Variants in CNTNAP2 observed in about 807,000 individuals in gnomAD.
The protein encoded by CNTNAP2 is contactin-associated protein-like 2.
A neutral mutation model predicts 155.2 loss-of-function variants in CNTNAP2; 98 were observed. That is an observed-to-expected ratio of 0.63 (90% CI 0.54 to 0.75). The LOEUF is 0.75. Ranked by LOEUF, CNTNAP2 falls within the 30% of genes least tolerant of loss-of-function variation. CNTNAP2 has a pLI of 0.00. For missense variants in CNTNAP2, 1,727 were observed against 1,688.1 expected (o/e 1.02, Z -0.40); for synonymous variants, 651 against 631.2 (o/e 1.03, Z -0.47).
At chr7:148,097,530 G>A (rs1803999888) in intron 15 of CNTNAP2, among the ~76,000 whole-genome samples, 1 of 152,120 alleles carries the variant, frequency 6.6e-6, no homozygotes, top group Admixed American at 6.5e-5. Context: ...TGTCGCCCAG[G>A]CTGGAGTGCA....
chr7:148,228,249 A>AC (rs1795892102), intron 19 of CNTNAP2, among the ~76,000 whole-genome samples: 1 of 152,048 alleles, frequency 6.6e-6, no homozygotes, highest in Admixed American at 6.6e-5. Flanking sequence ...TGTCTTTAAA[A>AC]CTCATAACTA....
At chr7:148,036,538 C>T (rs1358609319) in intron 15 of CNTNAP2, among the ~76,000 whole-genome samples, 1 of 152,086 alleles carries the variant, frequency 6.6e-6, no homozygotes, top group Non-Finnish European at 1.5e-5. Context: ...TGTTATGACA[C>T]AGCAAGAAGG....
intron 15 of CNTNAP2, among the ~76,000 whole-genome samples, chr7:148,050,396 C>CA (rs1403484924): frequency 6.6e-6 from 1 of 151,402 alleles, no homozygotes; most frequent in Admixed American, 6.6e-5. Flanking sequence ...ATTTAAAGTA[C>CA]AAAAATGAAA....
intron 9 of CNTNAP2, among the ~76,000 whole-genome samples, chr7:147,364,035 G>A (rs1202791473): frequency 2.0e-5 from 3 of 152,108 alleles, no homozygotes; most frequent in African/African-American, 7.2e-5. Flanking sequence ...CATGCTTGTA[G>A]AAAAGAAATG....
intron 1 of CNTNAP2, among the ~76,000 whole-genome samples, chr7:146,500,809 A>G (rs1563109000): frequency 1.3e-5 from 2 of 152,202 alleles, no homozygotes; most frequent in Non-Finnish European, 2.9e-5. Context: ...TAATCTTCAA[A>G]GAATGCATTT....
chr7:148,275,992 T>C (rs1796864740), intron 21 of CNTNAP2, among the ~76,000 whole-genome samples: 1 of 152,058 alleles, frequency 6.6e-6, no homozygotes, highest in Non-Finnish European at 1.5e-5. Context: ...GCATTCAGAA[T>C]GGTGGAAAGT....
chr7:146,614,162 C>T (rs1799185793), intron 1 of CNTNAP2, among the ~76,000 whole-genome samples: 1 of 152,066 alleles, frequency 6.6e-6, no homozygotes, highest in Non-Finnish European at 1.5e-5. Flanking sequence ...CTAGAGTTAA[C>T]CTTTTATTTT....
chr7:148,228,689 G>A (rs374134024), intron 19 of CNTNAP2, among the ~76,000 whole-genome samples: 1 of 142,338 alleles, frequency 7.0e-6, no homozygotes, highest in Non-Finnish European at 1.6e-5. Context: ...TTAGCCCAGC[G>A]TGGTAGCGTG....
intron 2 of CNTNAP2, among the ~76,000 whole-genome samples, chr7:146,810,328 G>T (rs1339013412): frequency 2.9e-5 from 4 of 139,844 alleles, no homozygotes; most frequent in Non-Finnish European, 4.7e-5. Flanking sequence ...AGATTGCTTT[G>T]GTATTTTCAT....
chr7:148,060,500 G>T (rs1352932233), intron 15 of CNTNAP2, among the ~76,000 whole-genome samples: 1 of 152,110 alleles, frequency 6.6e-6, no homozygotes, highest in Non-Finnish European at 1.5e-5. Context: ...TTGATCAATA[G>T]TTATACCTTG....
chr7:148,010,474 T>C (rs1189496256), intron 15 of CNTNAP2, among the ~76,000 whole-genome samples: 1 of 151,912 alleles, frequency 6.6e-6, no homozygotes, highest in Non-Finnish European at 1.5e-5. Flanking sequence ...GTCTTTTTTC[T>C]TTTAAAAGTT....
chr7:147,406,290 T>C (rs1013272202), intron 10 of CNTNAP2, among the ~76,000 whole-genome samples: 4 of 152,318 alleles, frequency 2.6e-5, no homozygotes, highest in Middle Eastern at 3.4e-3. Flanking sequence ...TTTCATTAAA[T>C]GTCAGGAGTA....
chr7:147,071,717 G>A (rs1277748797), intron 4 of CNTNAP2, among the ~76,000 whole-genome samples: 1 of 152,188 alleles, frequency 6.6e-6, no homozygotes, highest in East Asian at 1.9e-4. Flanking sequence ...AAGGCTGAGG[G>A]AGTGGCACAG....
chr7:147,236,253 G>C (rs1391402174), intron 8 of CNTNAP2, among the ~76,000 whole-genome samples: 1 of 152,152 alleles, frequency 6.6e-6, no homozygotes, highest in Non-Finnish European at 1.5e-5. Flanking sequence ...CTCTTCACCT[G>C]CTCAGACTCT....
intron 20 of CNTNAP2, among the ~76,000 whole-genome samples, chr7:148,235,666 T>G (rs577916247): frequency 6.6e-6 from 1 of 150,948 alleles, no homozygotes; most frequent in Admixed American, 6.7e-5. Flanking sequence ...AATGTGCTCC[T>G]TACAGCTGTG....
chr7:146,186,454 AC>A (rs1798625364), intron 1 of CNTNAP2, among the ~76,000 whole-genome samples: 1 of 152,314 alleles, frequency 6.6e-6, no homozygotes, highest in African/African-American at 2.4e-5. Context: ...TTGATAACTA[AC>A]TTTTATCATA....
chr7:146,930,577 G>C (rs567444925), intron 3 of CNTNAP2, among the ~76,000 whole-genome samples: 6 of 151,896 alleles, frequency 4.0e-5, no homozygotes, highest in African/African-American at 7.3e-5. Context: ...TGAAATTCAC[G>C]CATAACAATA....
chr7:147,554,598 A>T (rs957491302), intron 11 of CNTNAP2, among the ~76,000 whole-genome samples: 15 of 150,938 alleles, frequency 9.9e-5, no homozygotes, highest in South Asian at 2.1e-4. Context: ...TGTCTTTTTT[A>T]AAAAAATCCT....
At chr7:148,245,979 G>A (rs183327618) in intron 20 of CNTNAP2, among the ~76,000 whole-genome samples, 1 of 152,258 alleles carries the variant, frequency 6.6e-6, no homozygotes, top group Non-Finnish European at 1.5e-5. Context: ...GCATTAAAAA[G>A]CTTCAGTGTT....
Sources: gnomAD v4.1 joint callset for allele counts (sites outside exome capture counted in the v4.1 genomes callset) on GRCh38, gnomAD v4.1.1 for gene constraint, MANE v1.5 for transcripts, NCBI Gene and HGNC (gene_info 2026-07-23, HGNC 2026-07-21) for gene names.